Variants in COG5 observed in about 807,000 individuals in gnomAD.
COG5 encodes conserved oligomeric Golgi complex subunit 5.
In COG5, 86 loss-of-function variants were observed where a neutral mutation model predicts 110.4. The ratio of observed to expected loss-of-function variants is 0.78; its 90% confidence interval spans 0.65 to 0.93. The LOEUF (loss-of-function observed/expected upper bound fraction) is 0.93, where lower values mean the gene tolerates loss of function less well. COG5 is among the 40% of genes least tolerant of loss of function. The probability of loss-of-function intolerance (pLI) is 0.00; values close to 1 mark genes in which losing one functional copy is unlikely to be tolerated. For synonymous variants in COG5, 360 were observed against 334.6 expected (o/e 1.08, Z -0.83); for missense variants, 1,077 against 987.0 (o/e 1.09, Z -1.22).
chr7:107,249,999 C>T (rs1265714489), intron 16 of COG5, among the ~76,000 whole-genome samples: 6 of 151,944 alleles, frequency 3.9e-5, no homozygotes, highest in Non-Finnish European at 1.5e-5. Context: ...AAGAGGTGTA[C>T]TTTGTATAGG....
intron 6 of COG5, among the ~76,000 whole-genome samples, chr7:107,494,187 G>A (rs1030161254): frequency 6.6e-6 from 1 of 152,092 alleles, no homozygotes; most frequent in East Asian, 1.9e-4. Flanking sequence ...TGTTATCAAA[G>A]TGATTTAAAT....
At chr7:107,327,705 A>G (rs1809891024) in intron 10 of COG5, among the ~76,000 whole-genome samples, 2 of 152,206 alleles carry the variant, frequency 1.3e-5, no homozygotes, top group Admixed American at 1.3e-4. Context: ...AAGATGCTCA[A>G]TATCACTAAT....
At chr7:107,549,880 T>C (rs945790502) in intron 3 of COG5, among the ~76,000 whole-genome samples, 2 of 152,166 alleles carry the variant, frequency 1.3e-5, no homozygotes, top group African/African-American at 4.8e-5. Context: ...AAGTTTTAAA[T>C]AGTATCTGTT....
intron 5 of COG5, among the ~76,000 whole-genome samples, chr7:107,538,139 C>T (rs2129166143): frequency 6.6e-6 from 1 of 152,106 alleles, no homozygotes; most frequent in East Asian, 1.9e-4. Context: ...CATGGAGGCT[C>T]CATCTTTGCT....
At chr7:107,253,556 G>GT (rs1802671305) in intron 16 of COG5, among the ~76,000 whole-genome samples, 1 of 151,988 alleles carries the variant, frequency 6.6e-6, no homozygotes, top group Admixed American at 6.6e-5. Flanking sequence ...GGACCAAGGG[G>GT]TTTAAATGGT....
intron 17 of COG5, among the ~76,000 whole-genome samples, chr7:107,244,167 G>A (rs569141251): frequency 1.6e-4 from 24 of 152,120 alleles, no homozygotes; most frequent in African/African-American, 4.8e-4. Flanking sequence ...CAGGAGAATC[G>A]CTTGAACCGA....
intron 7 of COG5, among the ~76,000 whole-genome samples, chr7:107,402,057 ATTTCT>A (rs1791472787): frequency 6.6e-6 from 1 of 152,116 alleles, no homozygotes; most frequent in Non-Finnish European, 1.5e-5. Context: ...TAATATCAAA[ATTTCT>A]TACTGTATAC....
At chr7:107,532,852 C>T (rs1349030021) in intron 5 of COG5, among the ~76,000 whole-genome samples, 1 of 152,178 alleles carries the variant, frequency 6.6e-6, no homozygotes, top group Non-Finnish European at 1.5e-5. Flanking sequence ...TTTGCATATG[C>T]TCTTCCCACT....
chr7:107,239,951 T>G (rs1037624647), intron 17 of COG5, among the ~76,000 whole-genome samples: 2 of 152,222 alleles, frequency 1.3e-5, no homozygotes, highest in Non-Finnish European at 2.9e-5. Context: ...CCACTAACCT[T>G]TTGTGTGAGT....
intron 16 of COG5, among the ~76,000 whole-genome samples, chr7:107,253,897 G>A (rs1802697353): frequency 6.6e-6 from 1 of 152,040 alleles, no homozygotes; most frequent in African/African-American, 2.4e-5. Context: ...AATGTCTCTT[G>A]ATTGGAGAGG....
rs558367897 is a variant in COG5, at chr7:107,503,714, C to T, written c.538+23523G>A. 2.6e-5 allele frequency among the ~76,000 whole-genome samples: 4 copies of T among 152,284 alleles called. No individual in the cohort carries two copies. In the East Asian group the frequency reaches 5.8e-4, roughly 22 times the overall value. ...TAGTTCACCTTGTAGAGATCTTTCA[C>T]CTCCTTGGTTAAGTATATTCCTAGT... On this transcript the variant is annotated intron_variant, in intron 6 of 21. Coordinates refer to ENST00000297135, the MANE Select transcript of COG5 (RefSeq NM_006348.5).
At chr7:107,521,312 A>G (rs553524259) in intron 6 of COG5, among the ~76,000 whole-genome samples, 1 of 152,358 alleles carries the variant, frequency 6.6e-6, no homozygotes, top group East Asian at 1.9e-4. Context: ...ATTAAACTAA[A>G]GAGCTTCTGC....
chr7:107,248,538 A>G lies in COG5; in HGVS notation c.1750-39T>C, dbSNP rs751417388. 15 of 1,419,204 alleles carry G rather than the reference A, an allele frequency of 1.1e-5. No individual in the cohort carries two copies. In the Admixed American group the frequency reaches 2.7e-4, roughly 25 times the overall value. 87.9% of individuals were successfully genotyped at this position (1,419,204 alleles called of 1,614,324 possible). A position where few individuals can be genotyped will look rare whatever the true frequency, so the allele number is the denominator to read the frequency against. ...AGAAAGAAAAAAAAGAAGAGGCAAG[A>G]TTAAAGAAAAACAACCCAAAGAAAT... On this transcript the variant is annotated intron_variant, in intron 16 of 21. Transcript: ENST00000297135.
intron 6 of COG5, among the ~76,000 whole-genome samples, chr7:107,465,395 A>G (rs1045487938): frequency 6.6e-5 from 10 of 152,182 alleles, no homozygotes; most frequent in African/African-American, 2.4e-4. Context: ...ATCTAACAAA[A>G]TATGTGCAGG....
intron 11 of COG5, among the ~76,000 whole-genome samples, chr7:107,301,653 G>A (rs1807277729): frequency 6.6e-6 from 1 of 152,162 alleles, no homozygotes; most frequent in South Asian, 2.1e-4. Context: ...TGGATCACCT[G>A]AGGTCGGGAG....
chr7:107,364,179 T>C (rs1253809085), intron 8 of COG5, among the ~76,000 whole-genome samples: 1 of 152,226 alleles, frequency 6.6e-6, no homozygotes, highest in Non-Finnish European at 1.5e-5. Context: ...AACATCATCT[T>C]ACCAATAGTA....
chr7:107,308,197 T>G (rs1000041181), intron 11 of COG5, among the ~76,000 whole-genome samples: 5 of 152,224 alleles, frequency 3.3e-5, no homozygotes, highest in Admixed American at 1.3e-4. Context: ...GATCCTGTAT[T>G]TCCTGTAAAT....
In COG5 at chr7:107,332,539, G is replaced by C. The variant is rs569854818; in HGVS notation, c.1027-8018C>G. Among the ~76,000 whole-genome samples, 69 of 152,288 alleles carry C rather than the reference G, an allele frequency of 4.5e-4. 2 individuals carry two copies. The South Asian group carries it at 0.013, about 29-fold the overall frequency. On this transcript the variant is annotated intron_variant, in intron 10 of 21. Transcript: ENST00000297135. ...GGAATCAATAAAGGAATTCTGAAGA[G>C]TGGGAATACCTGAGGGAGGAGAGAT...
intron 21 of COG5, among the ~76,000 whole-genome samples, chr7:107,204,256 C>T (rs1427400012): frequency 1.3e-5 from 2 of 152,170 alleles, no homozygotes; most frequent in African/African-American, 2.4e-5. Flanking sequence ...AAACTGCCTG[C>T]AGGCTGAATC....
Sources: allele counts gnomAD v4.1 joint callset (sites outside exome capture counted in the v4.1 genomes callset), GRCh38; gene constraint gnomAD v4.1.1; transcripts MANE v1.5; gene names NCBI Gene and HGNC (gene_info 2026-07-23, HGNC 2026-07-21).